The following FEM1C variants were observed in gnomAD, a reference collection of about 807,000 sequenced individuals.
FEM1C encodes the protein protein fem-1 homolog C.
Under a neutral mutation model 37.6 loss-of-function variants are expected in FEM1C, and 15 were observed. That is an observed-to-expected ratio of 0.40 (90% CI 0.27 to 0.61). FEM1C has a LOEUF of 0.61. FEM1C is among the 20% of genes least tolerant of loss of function. The probability of loss-of-function intolerance (pLI) is 0.42; values close to 1 mark genes in which losing one functional copy is unlikely to be tolerated. For synonymous variants in FEM1C, 287 were observed against 272.8 expected, an observed-to-expected ratio of 1.05 and a Z score of -0.51; for missense variants, 532 against 749.7, an observed-to-expected ratio of 0.71 and a Z score of 3.39.
chr5:115,528,207 C>T (rs182862026), intron 2 of FEM1C, among the ~76,000 whole-genome samples: 6 of 152,098 alleles, frequency 3.9e-5, no homozygotes. Context: ...CCACTAACAA[C>T]TAAAAAAACT....
Position 115,524,208 on chromosome 5 carries a change from A to C in FEM1C, c.*100T>G, listed in dbSNP as rs1753833986. ...TAGCCAATGAGAGCACAATGATATCAATCAAGCTAAATGAATGCTGGTGTT... is the reference window on the plus strand; with the variant it reads ...TAGCCAATGAGAGCACAATGATATCCATCAAGCTAAATGAATGCTGGTGTT... On this transcript the variant is annotated 3_prime_UTR_variant, in exon 3 of 3. Transcript: ENST00000274457. The C allele has an allele frequency of 1.1e-6, 1 of 916,952 alleles. No homozygotes were observed. Among genetic ancestry groups the C allele is most frequent in the Non-Finnish European group, 1.7e-6 (1 of 591,206 alleles). The allele number at this position is 916,952 out of a possible 1,614,324, so 56.8% of individuals were successfully genotyped here. A position where few individuals can be genotyped will look rare whatever the true frequency, so the allele number is the denominator to read the frequency against.
chr5:115,527,896 G>A (rs1033371270), intron 2 of FEM1C, among the ~76,000 whole-genome samples: 3 of 151,292 alleles, frequency 2.0e-5, no homozygotes, highest in South Asian at 2.1e-4. Context: ...AGCTACTTGG[G>A]AGGCTGAGGC....
At chr5:115,530,104 T>C (rs928533031) in intron 2 of FEM1C, among the ~76,000 whole-genome samples, 16 of 151,820 alleles carry the variant, frequency 1.1e-4, no homozygotes, top group African/African-American at 2.2e-4. Flanking sequence ...AGACAAAAAC[T>C]GTCAGACTGA....
At position 115,523,928 on chromosome 5, in the gene FEM1C, GA is replaced by G. The variant is rs1223163373; in HGVS notation, c.*379del. ...ACAGGGGGGAAACTTGAGAAGAGAA[GA>G]AAGAAGCAAGAAAAAAAGACTTTCA... On this transcript the variant is annotated 3_prime_UTR_variant, in exon 3 of 3. Transcript: ENST00000274457. The G allele has an allele frequency of 5.5e-6, 1 of 183,258 alleles. No homozygotes were observed. Among genetic ancestry groups the G allele is most frequent in the Non-Finnish European group, 1.1e-5 (1 of 87,802 alleles). 11.4% of individuals were successfully genotyped at this position (183,258 alleles called of 1,614,324 possible).
chr5:115,541,426 A>C (rs893605361), intron 2 of FEM1C, among the ~76,000 whole-genome samples: 4 of 152,164 alleles, frequency 2.6e-5, no homozygotes, highest in Non-Finnish European at 5.9e-5. Context: ...CACACAATCT[A>C]CAGCAAATAT....
Position 115,543,522 on chromosome 5 carries a change from T to G in FEM1C, c.-29A>C. ...TGTCCAGTTGAGAGGCTGTGCTTTA[T>G]TTATCTTTCAAAGCAGAGCTCCAGT... On this transcript the variant is annotated 5_prime_UTR_variant, in exon 2 of 3. Coordinates refer to ENST00000274457, the MANE Select transcript of FEM1C (RefSeq NM_020177.3). 2 of 1,558,670 alleles carry G rather than the reference T, an allele frequency of 1.3e-6. No individual in the cohort carries two copies. Among genetic ancestry groups the G allele is most frequent in the African/African-American group, 1.4e-5 (1 of 73,102 alleles).
chr5:115,521,892 G>A lies in FEM1C; in HGVS notation c.*2416C>T, dbSNP rs762985396. On this transcript the variant is annotated 3_prime_UTR_variant, in exon 3 of 3. Transcript: ENST00000274457. ...ACAATTTTGAGCTATTAAATTAACT[G>A]GTTTTTCAAAACCTCCCAATGGCAT... 2.6e-5 allele frequency: 4 copies of A among 151,824 alleles called. No homozygotes were observed. Among genetic ancestry groups the A allele is most frequent in the Non-Finnish European group, 5.9e-5 (4 of 67,820 alleles). 9.4% of individuals were successfully genotyped at this position (151,824 alleles called of 1,614,324 possible).
At chr5:115,525,948 A>C (rs1158005213) in intron 2 of FEM1C, among the ~76,000 whole-genome samples, 1 of 152,168 alleles carries the variant, frequency 6.6e-6, no homozygotes, top group Non-Finnish European at 1.5e-5. Flanking sequence ...GTAGAATACA[A>C]ATAACCAGCT....
intron 1 of FEM1C, chr5:115,544,109 C>G: frequency 1.0e-6 from 1 of 985,412 alleles, no homozygotes; most frequent in Non-Finnish European, 1.2e-6. Context: ...GGCCGGGTTT[C>G]GAGAAAGAAC....
In FEM1C at chr5:115,524,353, C is replaced by G; in HGVS notation, c.1809G>C (p.Gly603=). The part of the protein sequence containing the change: ...VIVNHRIYYK[G]HIPEKLETFV... ...AAGTCTCTAGCTTTTCTGGGATATGCCCTTTATAATATATTCTATGATTCA... is the reference window on the plus strand; with the variant it reads ...AAGTCTCTAGCTTTTCTGGGATATGGCCTTTATAATATATTCTATGATTCA... Residue 603 remains glycine (G), a synonymous_variant, in exon 3 of 3, where the codon GGG becomes GGC. Transcript: ENST00000274457. 6.2e-7 allele frequency: 1 copy of G among 1,613,272 alleles called. No individual in the cohort carries two copies. Among genetic ancestry groups the G allele is most frequent in the South Asian group, 1.1e-5 (1 of 91,072 alleles).
At chr5:115,540,064 T>C (rs949857581) in intron 2 of FEM1C, among the ~76,000 whole-genome samples, 3 of 152,106 alleles carry the variant, frequency 2.0e-5, no homozygotes, top group Non-Finnish European at 2.9e-5. Context: ...TTATTCTAAT[T>C]TAACTCTAGT....
chr5:115,524,284 CA>C lies in FEM1C; in HGVS notation c.*23del. 6.3e-7 allele frequency: 1 copy of C among 1,597,034 alleles called. No homozygotes were observed. The highest frequency in any genetic ancestry group is 8.6e-7 in the Non-Finnish European group (1 of 1,166,060). ...CAACTGTTACCAATTCGTGCTTTAA[CA>C]GTGCTAAAATACAGTCAAGTTATCA... On this transcript the variant is annotated 3_prime_UTR_variant, in exon 3 of 3. Coordinates refer to ENST00000274457, the MANE Select transcript of FEM1C (RefSeq NM_020177.3).
rs1753784529 is a variant in FEM1C at position 115,521,939 on chromosome 5, G to C, written c.*2369C>G. On this transcript the variant is annotated 3_prime_UTR_variant, in exon 3 of 3. Transcript: ENST00000274457. ...GCATTTGTGGAGATGGCAGAGAAGGGAGAAATGTATTCTAAGTGAAATAAG... is the reference window on the plus strand; with the variant it reads ...GCATTTGTGGAGATGGCAGAGAAGGCAGAAATGTATTCTAAGTGAAATAAG... The C allele has an allele frequency of 6.6e-6, 1 of 151,796 alleles. No homozygotes were observed. The highest frequency in any genetic ancestry group is 1.9e-4 in the East Asian group (1 of 5,178). 9.4% of individuals were successfully genotyped at this position (151,796 alleles called of 1,614,324 possible). A position where few individuals can be genotyped will look rare whatever the true frequency, so the allele number is the denominator to read the frequency against.
At chr5:115,537,553 A>C (rs943299301) in intron 2 of FEM1C, among the ~76,000 whole-genome samples, 5 of 152,016 alleles carry the variant, frequency 3.3e-5, no homozygotes, top group African/African-American at 1.2e-4. Flanking sequence ...CTAAGATACT[A>C]ATTCTTCCCA....
At chr5:115,532,509 G>A (rs760889899) in intron 2 of FEM1C, among the ~76,000 whole-genome samples, 1 of 150,874 alleles carries the variant, frequency 6.6e-6, no homozygotes, top group Non-Finnish European at 1.5e-5. Flanking sequence ...ATAGCCTAGA[G>A]CATTATTACT....
chr5:115,544,168 G>C, intron 1 of FEM1C: 1 of 985,374 alleles, frequency 1.0e-6, no homozygotes, highest in Non-Finnish European at 1.2e-6. Flanking sequence ...ACTGTGCCCC[G>C]AAAGATTCTC....
intron 2 of FEM1C, among the ~76,000 whole-genome samples, chr5:115,536,076 G>T (rs1438731502): frequency 2.0e-5 from 3 of 151,886 alleles, no homozygotes; most frequent in African/African-American, 4.8e-5. Flanking sequence ...GGGGAATGAG[G>T]AGGGATAGGA....
chr5:115,523,737 A>C lies in FEM1C; in HGVS notation c.*571T>G, dbSNP rs1355361416. On this transcript the variant is annotated 3_prime_UTR_variant, in exon 3 of 3. Coordinates refer to ENST00000274457, the MANE Select transcript of FEM1C (RefSeq NM_020177.3). ...TTGAAGTTGACCAACTGCTGCATAG[A>C]AAATATGCTAACATACAACAGTCAA... The C allele has an allele frequency of 6.5e-6, 1 of 152,698 alleles. No individual in the cohort carries two copies. The highest frequency in any genetic ancestry group is 1.5e-5 in the Non-Finnish European group (1 of 68,096). The allele number at this position is 152,698 out of a possible 1,614,324, so 9.5% of individuals were successfully genotyped here.
At chr5:115,527,667 C>G (rs1753922350) in intron 2 of FEM1C, among the ~76,000 whole-genome samples, 1 of 151,980 alleles carries the variant, frequency 6.6e-6, no homozygotes, top group East Asian at 1.9e-4. Context: ...GCTTAGATGG[C>G]ACTTTTCTCT....
Sources: gnomAD v4.1 joint callset for allele counts (sites outside exome capture counted in the v4.1 genomes callset) on GRCh38, gnomAD v4.1.1 for gene constraint, MANE v1.5 for transcripts, NCBI Gene and HGNC (gene_info 2026-07-23, HGNC 2026-07-21) for gene names.